Variants in DMC1 observed in about 807,000 individuals in gnomAD.
The protein encoded by DMC1 is meiotic recombination protein DMC1 homolog.
A neutral mutation model predicts 50.1 loss-of-function variants in DMC1; 27 were observed. That is an observed-to-expected ratio of 0.54 (90% CI 0.40 to 0.74). DMC1 has a LOEUF of 0.74. Among genes scored for constraint, DMC1 ranks in the 30% least tolerant of loss-of-function variants. DMC1 has a pLI of 0.00. For synonymous variants in DMC1, 148 were observed against 136.1 expected (o/e 1.09, Z -0.61); for missense variants, 295 against 420.2 (o/e 0.70, Z 2.60).
At chr22:38,532,175 G>A (rs1038597971) in intron 12 of DMC1, among the ~76,000 whole-genome samples, 1 of 151,968 alleles carries the variant, frequency 6.6e-6, no homozygotes, top group Admixed American at 6.6e-5. Context: ...TATTCTCTTT[G>A]TGAAGCACTT....
intron 7 of DMC1, among the ~76,000 whole-genome samples, chr22:38,550,317 CTTTT>C (rs11458767): frequency 1.5e-5 from 2 of 133,982 alleles, no homozygotes; most frequent in Non-Finnish European, 3.2e-5. Flanking sequence ...CTTTTCTTTT[CTTTT>C]TTTTTTTTTT....
intron 12 of DMC1, among the ~76,000 whole-genome samples, chr22:38,533,965 A>G (rs2090183423): frequency 6.6e-6 from 1 of 152,222 alleles, no homozygotes; most frequent in South Asian, 2.1e-4. Flanking sequence ...AATGCTTAAC[A>G]TTTTAAGTAA....
chr22:38,532,405 C>T (rs1393747271), intron 12 of DMC1, among the ~76,000 whole-genome samples: 1 of 150,974 alleles, frequency 6.6e-6, no homozygotes, highest in Non-Finnish European at 1.5e-5. Flanking sequence ...TCACTGCAAC[C>T]TCCCCTCCCG....
At chr22:38,543,469 T>G (rs1270735755) in intron 8 of DMC1, among the ~76,000 whole-genome samples, 1 of 152,126 alleles carries the variant, frequency 6.6e-6, no homozygotes, top group Non-Finnish European at 1.5e-5. Context: ...GACCTCGTGA[T>G]CCACCCACCT....
chr22:38,551,954 G>A lies in DMC1; in HGVS notation c.421+712C>T, dbSNP rs1382971754. Among the ~76,000 whole-genome samples the A allele has an allele frequency of 2.7e-5, 4 of 145,846 alleles. No individual in the cohort carries two copies. The Admixed American group carries it at 2.9e-4, about 10-fold the overall frequency. On this transcript the variant is annotated intron_variant, in intron 7 of 13. Coordinates refer to ENST00000216024, the MANE Select transcript of DMC1 (RefSeq NM_007068.4). ...CGGCTCACTGCAAGCTCCGCCTCCC[G>A]GGTTCACGCCATTCTCCTGCCTCAG... is the stretch of plus-strand genomic sequence containing the variant.
At chr22:38,559,863 C>CAA (rs2145988637) in intron 5 of DMC1, among the ~76,000 whole-genome samples, 1 of 151,658 alleles carries the variant, frequency 6.6e-6, no homozygotes, top group Non-Finnish European at 1.5e-5. Context: ...ACTAAAAGTA[C>CAA]AAAAATTAGC....
intron 8 of DMC1, among the ~76,000 whole-genome samples, chr22:38,545,122 A>G (rs1297471215): frequency 1.3e-5 from 2 of 152,152 alleles, no homozygotes; most frequent in Admixed American, 1.3e-4. Context: ...GACAGGGAAT[A>G]ACAAAACCAG....
intron 12 of DMC1, among the ~76,000 whole-genome samples, chr22:38,528,986 G>A (rs1011408957): frequency 1.3e-5 from 2 of 151,822 alleles, no homozygotes; most frequent in Non-Finnish European, 2.9e-5. Flanking sequence ...TCTTTTAGAG[G>A]GCTTTAATTT....
At chr22:38,528,552 T>G (rs1266169489) in intron 12 of DMC1, among the ~76,000 whole-genome samples, 2 of 151,798 alleles carry the variant, frequency 1.3e-5, no homozygotes, top group Non-Finnish European at 2.9e-5. Flanking sequence ...GTGGGCAGAT[T>G]GCTTGTTTGA....
chr22:38,536,297 G>A (rs2090212166), intron 12 of DMC1, among the ~76,000 whole-genome samples: 5 of 151,894 alleles, frequency 3.3e-5, no homozygotes, highest in Admixed American at 3.3e-4. Flanking sequence ...AGACAGTCTT[G>A]CTCTGTCTCC....
chr22:38,514,756 C>G (rs1448120945), downstream of DMC1, among the ~76,000 whole-genome samples: 1 of 152,086 alleles, frequency 6.6e-6, no homozygotes, highest in Non-Finnish European at 1.5e-5. Context: ...AATGCCATGA[C>G]GTCAGGAAGT....
chr22:38,555,314 G>T (rs752792342), intron 6 of DMC1, 43 bp downstream of exon 6: 16 of 1,230,984 alleles, frequency 1.3e-5, no homozygotes, highest in East Asian at 2.3e-5. Context: ...GTATGTGTGT[G>T]TGTATAATAT....
In DMC1 at chr22:38,521,597, A is replaced by C; in HGVS notation, c.953+11T>G. The C allele has an allele frequency of 6.4e-7, 1 of 1,572,706 alleles. No homozygotes were observed. On this transcript the variant is annotated intron_variant, in intron 13 of 13. Coordinates refer to ENST00000216024, the MANE Select transcript of DMC1 (RefSeq NM_007068.4). ...CACACACACACACACACAAAATAAA[A>C]AAAAATTTACCTGTCATAAATCTTG...
chr22:38,526,373 C>A (rs982797964), intron 12 of DMC1, among the ~76,000 whole-genome samples: 6 of 152,028 alleles, frequency 3.9e-5, no homozygotes, highest in Admixed American at 1.3e-4. Flanking sequence ...CCACGCCCGG[C>A]TAATTTTTGT....
intron 8 of DMC1, among the ~76,000 whole-genome samples, chr22:38,544,743 A>C (rs1239844266): frequency 6.6e-6 from 1 of 151,016 alleles, no homozygotes; most frequent in Non-Finnish European, 1.5e-5. Flanking sequence ...CCCCTGCCTC[A>C]GCCTCCTGAG....
intron 4 of DMC1, among the ~76,000 whole-genome samples, chr22:38,563,866 A>T (rs2146015169): frequency 6.6e-6 from 1 of 151,916 alleles, no homozygotes; most frequent in East Asian, 1.9e-4. Flanking sequence ...CACCCGGCTA[A>T]TATTTTTGTA....
chr22:38,554,656 AGCGAGACCCT>A (rs1416888351), intron 6 of DMC1, among the ~76,000 whole-genome samples: 1 of 151,868 alleles, frequency 6.6e-6, no homozygotes, highest in Non-Finnish European at 1.5e-5. Flanking sequence ...TGGGCAACAT[AGCGAGACCCT>A]TTATCTATTA....
rs764063443 is a variant in DMC1, at chr22:38,537,598, G to A, written c.830C>T (p.Thr277Ile). 1 of 1,613,608 alleles carries A rather than the reference G, an allele frequency of 6.2e-7. No homozygotes were observed. The highest frequency in any genetic ancestry group is 8.5e-7 in the Non-Finnish European group (1 of 1,179,596). The stretch of plus-strand genomic sequence containing the variant: ...GTAGAATATTGGGGCTTACGTCATA[G>A]TTGCTCCTGGATCGGCAGTCATTTG... Reference protein sequence around the residue: ...TNQMTADPGATMTFQADPKKP... With the variant: ...TNQMTADPGAIMTFQADPKKP... Residue 277 changes from threonine (T) to isoleucine (I), a missense_variant, in exon 12 of 14, where the codon ACT becomes ATT. By Grantham distance (89) the Thr-to-Ile change is moderately conservative. Coordinates refer to ENST00000216024, the MANE Select transcript of DMC1 (RefSeq NM_007068.4).
intron 12 of DMC1, among the ~76,000 whole-genome samples, chr22:38,531,465 A>G (rs2090150979): frequency 6.6e-6 from 1 of 152,226 alleles, no homozygotes. Context: ...AATTATAGTG[A>G]TAGTTCCCTG....
Sources: allele counts gnomAD v4.1 joint callset (sites outside exome capture counted in the v4.1 genomes callset), GRCh38; gene constraint gnomAD v4.1.1; transcripts MANE v1.5; gene names NCBI Gene and HGNC (gene_info 2026-07-23, HGNC 2026-07-21).